ADGRL3: variants seen among roughly 807,000 people sequenced by gnomAD.
The protein encoded by ADGRL3 is calcium-independent alpha-latrotoxin receptor 3.
ADGRL3 carries 62 observed loss-of-function variants against 153.5 expected under a neutral mutation model. The observed-to-expected ratio is 0.40, with a 90% CI of 0.33 to 0.50. The LOEUF (loss-of-function observed/expected upper bound fraction) is 0.50, where lower values mean the gene tolerates loss of function less well. ADGRL3 is among the 20% of genes least tolerant of loss of function. ADGRL3 has a pLI of 0.47. For synonymous variants in ADGRL3, 710 were observed against 672.5 expected, an observed-to-expected ratio of 1.06 and a Z score of -0.86; for missense variants, 1,641 against 1,859.4, an observed-to-expected ratio of 0.88 and a Z score of 2.16.
chr4:61,853,877 A>G (rs1409678060), intron 9 of ADGRL3, among the ~76,000 whole-genome samples: 2 of 152,196 alleles, frequency 1.3e-5, no homozygotes, highest in African/African-American at 4.8e-5. Flanking sequence ...ATGATTCCCT[A>G]ACATAATTGT....
chr4:61,630,901 C>T (rs1213483016), intron 5 of ADGRL3, among the ~76,000 whole-genome samples: 3 of 152,184 alleles, frequency 2.0e-5, no homozygotes, highest in Admixed American at 6.5e-5. Context: ...CGAAATAGGA[C>T]TAATTTTCCC....
At chr4:61,886,046 G>T (rs1048693595) in intron 9 of ADGRL3, among the ~76,000 whole-genome samples, 9 of 151,980 alleles carry the variant, frequency 5.9e-5, no homozygotes, top group African/African-American at 1.7e-4. Flanking sequence ...TGCCATGAAA[G>T]AACTAGAAAG....
At chr4:61,925,452 T>C (rs1053648333) in intron 13 of ADGRL3, among the ~76,000 whole-genome samples, 1 of 152,184 alleles carries the variant, frequency 6.6e-6, no homozygotes, top group African/African-American at 2.4e-5. Context: ...TGTGCTGCTG[T>C]AAAGGAATAC....
intron 6 of ADGRL3, among the ~76,000 whole-genome samples, chr4:61,684,243 A>G (rs764405070): frequency 1.3e-5 from 2 of 152,156 alleles, no homozygotes; most frequent in Non-Finnish European, 2.9e-5. Context: ...TTGTTTGAAA[A>G]TCTGTGAAAA....
chr4:61,318,594 C>T (rs2095286290), intron 1 of ADGRL3, among the ~76,000 whole-genome samples: 1 of 152,152 alleles, frequency 6.6e-6, no homozygotes, highest in South Asian at 2.1e-4. Context: ...CTGCTGAAGT[C>T]TTATCACTCT....
chr4:61,212,795 G>T (rs1400392071), intron 1 of ADGRL3, among the ~76,000 whole-genome samples: 1 of 152,106 alleles, frequency 6.6e-6, no homozygotes, highest in Non-Finnish European at 1.5e-5. Context: ...CCTTACTATT[G>T]CAAATCCTCA....
chr4:61,831,504 T>C (rs1308745885), intron 9 of ADGRL3, among the ~76,000 whole-genome samples: 1 of 146,262 alleles, frequency 6.8e-6, no homozygotes, highest in African/African-American at 2.5e-5. Flanking sequence ...ATTCCTAACA[T>C]TCTAAATTTA....
chr4:62,028,175 A>C (rs533217343), intron 21 of ADGRL3, among the ~76,000 whole-genome samples: 19 of 151,940 alleles, frequency 1.3e-4, no homozygotes, highest in African/African-American at 4.1e-4. Context: ...CCTTATCTTC[A>C]CTAATTGAGT....
At chr4:61,917,802 A>G (rs1467381108) in intron 13 of ADGRL3, among the ~76,000 whole-genome samples, 1 of 152,206 alleles carries the variant, frequency 6.6e-6, no homozygotes. Context: ...TAGCAGAGAG[A>G]ACAGAAAGTT....
At chr4:61,699,314 A>T (rs1006593611) in intron 6 of ADGRL3, among the ~76,000 whole-genome samples, 8 of 152,138 alleles carry the variant, frequency 5.3e-5, no homozygotes, top group East Asian at 1.9e-4. Flanking sequence ...AAGGATGTAA[A>T]TTTTTTTAAA....
chr4:61,263,614 AATG>A (rs969780601), intron 1 of ADGRL3, among the ~76,000 whole-genome samples: 6 of 152,014 alleles, frequency 3.9e-5, no homozygotes, highest in African/African-American at 1.4e-4. Context: ...AAAAGCCTTA[AATG>A]ATATGTGATG....
At chr4:61,680,994 A>T (rs1337484532) in intron 6 of ADGRL3, among the ~76,000 whole-genome samples, 1 of 152,070 alleles carries the variant, frequency 6.6e-6, no homozygotes, top group African/African-American at 2.4e-5. Context: ...GCATTTTCTT[A>T]GGAGGTTTGA....
At chr4:61,421,178 C>CA (rs1578759278) in intron 2 of ADGRL3, among the ~76,000 whole-genome samples, 1 of 151,972 alleles carries the variant, frequency 6.6e-6, no homozygotes, top group Non-Finnish European at 1.5e-5. Flanking sequence ...ACTAAAAATA[C>CA]AAAAAATTAG....
At chr4:61,334,564 C>A in intron 1 of ADGRL3, among the ~76,000 whole-genome samples, 1 of 152,074 alleles carries the variant, frequency 6.6e-6, no homozygotes, top group East Asian at 1.9e-4. Context: ...CTGATATGAA[C>A]TGTGATCAGT....
At chr4:61,709,243 TTTTA>T (rs2095915753) in intron 6 of ADGRL3, among the ~76,000 whole-genome samples, 1 of 152,260 alleles carries the variant, frequency 6.6e-6, no homozygotes, top group African/African-American at 2.4e-5. Context: ...TTTTAGCTAA[TTTTA>T]TTTTAGTCTA....
chr4:62,049,818 G>A (rs1733156849), intron 25 of ADGRL3, among the ~76,000 whole-genome samples: 1 of 152,182 alleles, frequency 6.6e-6, no homozygotes, highest in Admixed American at 6.6e-5. Context: ...AGAGACCTCT[G>A]GCAAATTGCT....
intron 6 of ADGRL3, among the ~76,000 whole-genome samples, chr4:61,710,365 C>G (rs145358851): frequency 6.6e-6 from 1 of 152,214 alleles, no homozygotes; most frequent in East Asian, 1.9e-4. Context: ...TAAATTTATG[C>G]AGGGGGAGGT....
chr4:61,421,733 AG>A (rs1248380758), intron 2 of ADGRL3, among the ~76,000 whole-genome samples: 3 of 152,132 alleles, frequency 2.0e-5, no homozygotes, highest in African/African-American at 7.2e-5. Flanking sequence ...CATTAAGTAA[AG>A]GTATATTAGG....
intron 5 of ADGRL3, among the ~76,000 whole-genome samples, chr4:61,589,880 T>C (rs1401841527): frequency 6.6e-6 from 1 of 152,134 alleles, no homozygotes; most frequent in African/African-American, 2.4e-5. Flanking sequence ...TGAAAGGCTG[T>C]AACTCTTGAT....
Sources: allele counts gnomAD v4.1 joint callset (sites outside exome capture counted in the v4.1 genomes callset), GRCh38; gene constraint gnomAD v4.1.1; transcripts MANE v1.5; gene names NCBI Gene and HGNC (gene_info 2026-07-23, HGNC 2026-07-21).